The following LHFPL3 variants were observed in gnomAD, a reference collection of about 807,000 sequenced individuals.
LHFPL3 encodes LHFPL tetraspan subfamily member 3 protein.
A neutral mutation model predicts 19.3 loss-of-function variants in LHFPL3; 5 were observed. The observed-to-expected ratio is 0.26, with a 90% confidence interval of 0.14 to 0.54. The LOEUF (loss-of-function observed/expected upper bound fraction) is 0.54, where lower values mean the gene tolerates loss of function less well. LHFPL3 is among the 20% of genes least tolerant of loss of function. LHFPL3 has a pLI of 0.94. For missense variants in LHFPL3, 249 were observed against 307.4 expected (o/e 0.81, Z 1.42); for synonymous variants, 133 against 126.2 (o/e 1.05, Z -0.36).
chr7:104,641,170 C>A (rs1445872154), intron 1 of LHFPL3, among the ~76,000 whole-genome samples: 1 of 152,120 alleles, frequency 6.6e-6, no homozygotes, highest in Non-Finnish European at 1.5e-5. Context: ...AAGTGGGATG[C>A]CATGTAACTT....
rs138797363 is a variant in LHFPL3, at chr7:104,470,800, C to G, written c.445+141576C>G. Among the ~76,000 whole-genome samples the G allele has an allele frequency of 4.2e-3, 646 of 152,318 alleles. 7 individuals are homozygous for G. Among genetic ancestry groups the G allele is most frequent in the African/African-American group, 0.015 (619 of 41,566 alleles). On this transcript the variant is annotated intron_variant, in intron 1 of 2. Coordinates refer to ENST00000424859, the MANE Select transcript of LHFPL3 (RefSeq NM_199000.3). ...GTAGGAGCCTTTGCCTTGATGCTTT[C>G]TCTTCGCAATAGGTCCTCTGGCTTT...
intron 1 of LHFPL3, among the ~76,000 whole-genome samples, chr7:104,458,477 C>G (rs572596571): frequency 1.3e-5 from 2 of 152,134 alleles, no homozygotes; most frequent in South Asian, 2.1e-4. Context: ...TGATCTATAC[C>G]TCTGTTTTGG....
chr7:104,330,195 C>G (rs963785596), intron 1 of LHFPL3, among the ~76,000 whole-genome samples: 2 of 152,206 alleles, frequency 1.3e-5, no homozygotes, highest in Non-Finnish European at 2.9e-5. Context: ...GCGATTGCCT[C>G]TCTGCCAGCC....
intron 1 of LHFPL3, among the ~76,000 whole-genome samples, chr7:104,670,820 A>G (rs1475595171): frequency 6.7e-6 from 1 of 149,474 alleles, no homozygotes; most frequent in Non-Finnish European, 1.5e-5. Flanking sequence ...TGCCACACTA[A>G]TGTTTGTTGG....
intron 1 of LHFPL3, among the ~76,000 whole-genome samples, chr7:104,634,097 T>C (rs1791691648): frequency 6.6e-6 from 1 of 152,262 alleles, no homozygotes; most frequent in Non-Finnish European, 1.5e-5. Context: ...TATTTCTCAC[T>C]GATGTCTTCT....
intron 1 of LHFPL3, among the ~76,000 whole-genome samples, chr7:104,338,265 AT>A (rs1308415024): frequency 2.8e-4 from 43 of 151,286 alleles, no homozygotes; most frequent in Middle Eastern, 6.8e-3. Context: ...CGCCCGATTA[AT>A]TTTTTTGTAT....
intron 1 of LHFPL3, among the ~76,000 whole-genome samples, chr7:104,614,572 G>C (rs1791271861): frequency 7.6e-6 from 1 of 131,086 alleles, no homozygotes; most frequent in Non-Finnish European, 1.7e-5. Context: ...TGTCCAAAGA[G>C]CCTCCTCTTC....
At chr7:104,587,572 A>G (rs1408786273) in intron 1 of LHFPL3, among the ~76,000 whole-genome samples, 4 of 152,254 alleles carry the variant, frequency 2.6e-5, no homozygotes, top group Admixed American at 6.5e-5. Context: ...TAGTGCCACA[A>G]TAAACATACA....
At position 104,801,978 on chromosome 7, in the gene LHFPL3, A is replaced by T. The variant is rs973013335; in HGVS notation, c.682+65067A>T. On this transcript the variant is annotated intron_variant, in intron 2 of 2. Coordinates refer to ENST00000424859, the MANE Select transcript of LHFPL3 (RefSeq NM_199000.3). ...ACAAGAAAAATGCTATTTTTTTCAC[A>T]ATTTGTGCTGTAGTGAGACGTTTTT... 2.0e-5 allele frequency among the ~76,000 whole-genome samples: 3 copies of T among 152,102 alleles called. No homozygotes were observed. In the South Asian group the frequency reaches 6.2e-4, roughly 32 times the overall value.
chr7:104,841,284 T>A (rs1043501002), intron 2 of LHFPL3, among the ~76,000 whole-genome samples: 2 of 152,298 alleles, frequency 1.3e-5, no homozygotes, highest in Non-Finnish European at 1.5e-5. Flanking sequence ...AAGAGGTTTT[T>A]CATGAGACAT....
intron 2 of LHFPL3, among the ~76,000 whole-genome samples, chr7:104,820,747 C>G (rs1173308209): frequency 6.6e-6 from 1 of 152,218 alleles, no homozygotes; most frequent in African/African-American, 2.4e-5. Context: ...CCTTAACCAC[C>G]CCCCCAGACC....
intron 1 of LHFPL3, among the ~76,000 whole-genome samples, chr7:104,480,025 A>G (rs189593886): frequency 1.6e-3 from 240 of 152,358 alleles, no homozygotes; most frequent in African/African-American, 5.2e-3. Flanking sequence ...TTTAAATGGT[A>G]TATATTCATC....
rs112048900 is a variant in LHFPL3 at position 104,491,207 on chromosome 7, A to C, written c.445+161983A>C. Among the ~76,000 whole-genome samples, 486 of 152,246 alleles carry C rather than the reference A, an allele frequency of 3.2e-3. 3 individuals carry two copies. Among genetic ancestry groups the C allele is most frequent in the African/African-American group, 0.011 (454 of 41,554 alleles). ...TTGACTTCACAGACTTACCTTTTGCATCAGCAATCAGATGACCAGGAATTC... is the reference window on the plus strand; with the variant it reads ...TTGACTTCACAGACTTACCTTTTGCCTCAGCAATCAGATGACCAGGAATTC... On this transcript the variant is annotated intron_variant, in intron 1 of 2. Coordinates refer to ENST00000424859, the MANE Select transcript of LHFPL3 (RefSeq NM_199000.3).
chr7:104,575,694 G>A (rs1468246333), intron 1 of LHFPL3, among the ~76,000 whole-genome samples: 3 of 151,422 alleles, frequency 2.0e-5, no homozygotes, highest in Non-Finnish European at 4.4e-5. Context: ...CACCCAGGCT[G>A]CAGTGCAGTG....
At chr7:104,352,150 G>A (rs1314138668) in intron 1 of LHFPL3, among the ~76,000 whole-genome samples, 1 of 150,808 alleles carries the variant, frequency 6.6e-6, no homozygotes, top group Admixed American at 6.6e-5. Flanking sequence ...GGACCTCAGA[G>A]CGAGGCCCTG....
intron 2 of LHFPL3, among the ~76,000 whole-genome samples, chr7:104,859,130 G>A (rs1205468627): frequency 6.6e-6 from 1 of 151,764 alleles, no homozygotes; most frequent in Non-Finnish European, 1.5e-5. Flanking sequence ...AGCCAGGCGT[G>A]TTGGCAGGTG....
intron 1 of LHFPL3, among the ~76,000 whole-genome samples, chr7:104,502,636 A>C (rs1413549298): frequency 6.6e-6 from 1 of 152,118 alleles, no homozygotes; most frequent in Non-Finnish European, 1.5e-5. Context: ...CCCCCATCAC[A>C]CACCACCTCC....
intron 1 of LHFPL3, among the ~76,000 whole-genome samples, chr7:104,555,373 C>T (rs1355472435): frequency 1.3e-5 from 2 of 152,126 alleles, no homozygotes; most frequent in Non-Finnish European, 2.9e-5. Flanking sequence ...TTTTAATAGA[C>T]TTATAGTTCC....
At chr7:104,691,946 C>T (rs1041013636) in intron 1 of LHFPL3, among the ~76,000 whole-genome samples, 1 of 152,190 alleles carries the variant, frequency 6.6e-6, no homozygotes, top group South Asian at 2.1e-4. Flanking sequence ...ACAATGAAGT[C>T]AGGCTGATGT....
Sources: gnomAD v4.1 joint callset for allele counts (sites outside exome capture counted in the v4.1 genomes callset) on GRCh38, gnomAD v4.1.1 for gene constraint, MANE v1.5 for transcripts, NCBI Gene and HGNC (gene_info 2026-07-23, HGNC 2026-07-21) for gene names.